The following PKNOX2 variants were observed in gnomAD, a reference collection of about 807,000 sequenced individuals.
PKNOX2 encodes homeobox protein PKNOX2.
Under a neutral mutation model 53.1 loss-of-function variants are expected in PKNOX2, and 14 were observed. The observed-to-expected ratio is 0.26, with a 90% CI of 0.17 to 0.41. The LOEUF (loss-of-function observed/expected upper bound fraction) is 0.41, where lower values mean the gene tolerates loss of function less well. PKNOX2 is among the 10% of genes least tolerant of loss of function. The pLI is 1.00. For synonymous variants in PKNOX2, 257 were observed against 242.8 expected (o/e 1.06, Z -0.54); for missense variants, 496 against 602.8 (o/e 0.82, Z 1.85).
intron 1 of PKNOX2, among the ~76,000 whole-genome samples, chr11:125,212,430 A>G (rs565942258): frequency 2.6e-4 from 39 of 150,162 alleles, no homozygotes; most frequent in African/African-American, 9.5e-4. Context: ...AACACTGGAC[A>G]GAAGAATAGG....
In PKNOX2 at chr11:125,286,745, G is replaced by C. The variant is rs147810354; in HGVS notation, c.-129-45074G>C. Among the ~76,000 whole-genome samples, 3 of 152,366 alleles carry C rather than the reference G, an allele frequency of 2.0e-5. No individual in the cohort carries two copies. In the East Asian group the frequency reaches 5.8e-4, roughly 29 times the overall value. Reference sequence around the variant, plus strand: ...GCCCCAAAGTTCATTGTGAATCTGGGCTTGGGTTCTGTCTGGGAGGGACAT... The same window carrying C: ...GCCCCAAAGTTCATTGTGAATCTGGCCTTGGGTTCTGTCTGGGAGGGACAT... On this transcript the variant is annotated intron_variant, in intron 2 of 12. Transcript: ENST00000298282.
chr11:125,198,841 CT>C (rs1455609130), intron 1 of PKNOX2, among the ~76,000 whole-genome samples: 3,099 of 96,086 alleles, frequency 0.032, 100 homozygotes, highest in African/African-American at 0.092. Context: ...TCTTCTTCTT[CT>C]TTTTTTTTTT....
intron 4 of PKNOX2, among the ~76,000 whole-genome samples, chr11:125,355,616 C>G (rs1951561749): frequency 6.6e-6 from 1 of 152,172 alleles, no homozygotes; most frequent in Admixed American, 6.5e-5. Flanking sequence ...AACATCACCC[C>G]ACTTCTGTTC....
chr11:125,197,118 G>A (rs1457088965), intron 1 of PKNOX2, among the ~76,000 whole-genome samples: 1 of 152,216 alleles, frequency 6.6e-6, no homozygotes, highest in East Asian at 1.9e-4. Flanking sequence ...GGCCCCAGCC[G>A]GGACCCCTGC....
rs189729771 is a variant in PKNOX2, at chr11:125,419,821, G to A, written c.936+7956G>A. Among the ~76,000 whole-genome samples the A allele has an allele frequency of 2.3e-3, 344 of 150,298 alleles. 3 individuals are homozygous for A. The highest frequency in any genetic ancestry group is 7.6e-3 in the African/African-American group (306 of 40,524). ...CAAGGCGGGAGGATTGCTTGAGCCT[G>A]AGAGTTCGAGACCAGCCTGAGCAAC... On this transcript the variant is annotated intron_variant, in intron 10 of 12. Coordinates refer to ENST00000298282, the MANE Select transcript of PKNOX2 (RefSeq NM_001382323.2).
At chr11:125,397,779 G>T (rs1482406322) in intron 6 of PKNOX2, 95 bp from the exon 7 acceptor site, 26 of 1,286,066 alleles carry the variant, frequency 2.0e-5, no homozygotes, top group Non-Finnish European at 2.6e-5. Context: ...GCAGGGGGTG[G>T]GCTCCCCTCC....
chr11:125,191,646 G>A (rs922030223), intron 1 of PKNOX2, among the ~76,000 whole-genome samples: 12 of 152,080 alleles, frequency 7.9e-5, no homozygotes, highest in African/African-American at 2.9e-4. Context: ...GTGGTGGGGC[G>A]TGTGGTTGGG....
chr11:125,185,717 A>G (rs970882857), intron 1 of PKNOX2, among the ~76,000 whole-genome samples: 3 of 152,206 alleles, frequency 2.0e-5, no homozygotes, highest in African/African-American at 7.2e-5. Flanking sequence ...ATAATATTTC[A>G]TTGAATGTAG....
intron 3 of PKNOX2, among the ~76,000 whole-genome samples, chr11:125,342,211 G>C (rs947053208): frequency 6.6e-6 from 1 of 151,818 alleles, no homozygotes; most frequent in South Asian, 2.1e-4. Context: ...TTGGAACAAG[G>C]TATCATCTAG....
At chr11:125,402,160 G>A (rs1469366029) in intron 7 of PKNOX2, among the ~76,000 whole-genome samples, 1 of 152,072 alleles carries the variant, frequency 6.6e-6, no homozygotes. Context: ...GGAAGTAAGG[G>A]AGACTGTTCT....
At chr11:125,408,993 A>G (rs2135532086) in intron 7 of PKNOX2, among the ~76,000 whole-genome samples, 1 of 152,278 alleles carries the variant, frequency 6.6e-6, no homozygotes, top group Middle Eastern at 3.4e-3. Flanking sequence ...TTACGATTCC[A>G]GCATTTGAGC....
At chr11:125,426,138 G>C (rs1162641769) in intron 10 of PKNOX2, among the ~76,000 whole-genome samples, 1 of 152,192 alleles carries the variant, frequency 6.6e-6, no homozygotes, top group Non-Finnish European at 1.5e-5. Context: ...ATTCTTCCAA[G>C]GAAGGCTGGA....
chr11:125,194,473 G>A (rs1200417870), intron 1 of PKNOX2, among the ~76,000 whole-genome samples: 1 of 151,638 alleles, frequency 6.6e-6, no homozygotes, highest in South Asian at 2.1e-4. Context: ...CCCCCACCCT[G>A]CTTCACAGGA....
At chr11:125,389,505 C>T (rs535860320) in intron 6 of PKNOX2, among the ~76,000 whole-genome samples, 23 of 152,276 alleles carry the variant, frequency 1.5e-4, no homozygotes, top group Non-Finnish European at 2.6e-4. Context: ...TGGGAAAGGC[C>T]GGCTTCATCC....
intron 6 of PKNOX2, 22 bp downstream of exon 6, chr11:125,385,744 C>A (rs751414817): frequency 1.2e-6 from 2 of 1,609,062 alleles, no homozygotes; most frequent in Non-Finnish European, 1.7e-6. Context: ...CCACCCTCTA[C>A]CCTGGCTAGA....
At chr11:125,417,000 C>G (rs7949981) in intron 10 of PKNOX2, among the ~76,000 whole-genome samples, 90,028 of 151,822 alleles carry the variant, frequency 0.59, 28,091 homozygotes, top group African/African-American at 0.78. Context: ...AGATTGGGAT[C>G]GTTTCATACG....
intron 2 of PKNOX2, among the ~76,000 whole-genome samples, chr11:125,328,430 G>T (rs1328905568): frequency 6.6e-6 from 1 of 152,024 alleles, no homozygotes; most frequent in Non-Finnish European, 1.5e-5. Context: ...TATGTGTGTT[G>T]TGTCTTTGAT....
At chr11:125,383,445 TAAAAA>T (rs551704955) in intron 5 of PKNOX2, among the ~76,000 whole-genome samples, 3 of 121,856 alleles carry the variant, frequency 2.5e-5, no homozygotes, top group Non-Finnish European at 5.1e-5. Context: ...CCCTCTCTGC[TAAAAA>T]AAAAAAAAAA....
intron 1 of PKNOX2, among the ~76,000 whole-genome samples, chr11:125,189,371 A>ATATATATATATATGTG (rs1555111565): frequency 1.3e-5 from 1 of 79,692 alleles, no homozygotes; most frequent in African/African-American, 5.0e-5. Flanking sequence ...ATATATATGT[A>ATATATATATATATGTG]TATATATATA....
Sources: gnomAD v4.1 joint callset for allele counts (sites outside exome capture counted in the v4.1 genomes callset) on GRCh38, gnomAD v4.1.1 for gene constraint, MANE v1.5 for transcripts, NCBI Gene and HGNC (gene_info 2026-07-23, HGNC 2026-07-21) for gene names.